Variants in SUCLG2 observed in about 807,000 individuals in gnomAD.
SUCLG2 encodes succinate-CoA ligase GDP-forming subunit beta.
SUCLG2 carries 42 observed loss-of-function variants against 47.9 expected under a neutral mutation model. The observed-to-expected ratio is 0.88, with a 90% CI of 0.69 to 1.14. The LOEUF (loss-of-function observed/expected upper bound fraction) is 1.14, where lower values mean the gene tolerates loss of function less well. Among genes scored for constraint, SUCLG2 ranks in the 50% most tolerant of loss-of-function variants. The pLI is 0.00. For missense variants in SUCLG2, 571 were observed against 525.9 expected, an observed-to-expected ratio of 1.09 and a Z score of -0.84; for synonymous variants, 195 against 197.3, an observed-to-expected ratio of 0.99 and a Z score of 0.10.
At chr3:67,529,985 A>G (rs915405136) in intron 2 of SUCLG2, among the ~76,000 whole-genome samples, 1 of 152,214 alleles carries the variant, frequency 6.6e-6, no homozygotes, top group African/African-American at 2.4e-5. Flanking sequence ...AAACAAAACA[A>G]AACAACAACA....
At chr3:67,404,215 T>C (rs1384111226) in intron 9 of SUCLG2, among the ~76,000 whole-genome samples, 1 of 151,970 alleles carries the variant, frequency 6.6e-6, no homozygotes, top group Non-Finnish European at 1.5e-5. Context: ...TAGACGCAAG[T>C]CTTGAAAGCA....
intron 6 of SUCLG2, among the ~76,000 whole-genome samples, chr3:67,512,460 T>C (rs929007367): frequency 6.6e-6 from 1 of 150,970 alleles, no homozygotes; most frequent in African/African-American, 2.5e-5. Context: ...GCATCCACTG[T>C]AGTGATACAA....
At chr3:67,633,566 T>C (rs909310300) in intron 1 of SUCLG2, among the ~76,000 whole-genome samples, 2 of 152,216 alleles carry the variant, frequency 1.3e-5, no homozygotes, top group African/African-American at 4.8e-5. Context: ...CAGGTTTGGA[T>C]GAAATTAAAT....
At position 67,469,159 on chromosome 3, in the gene SUCLG2, G is replaced by A. The variant is rs192691439; in HGVS notation, c.1062+26639C>T. The stretch of plus-strand genomic sequence containing the variant: ...AAGCAGATGTATAAAATGGGCATGA[G>A]GTAGGCTGGCGAGTTGGGCATGGGC... On this transcript the variant is annotated intron_variant, in intron 9 of 10. Coordinates refer to ENST00000307227, the MANE Select transcript of SUCLG2 (RefSeq NM_003848.4). Among the ~76,000 whole-genome samples, 606 of 152,316 alleles carry A rather than the reference G, an allele frequency of 4.0e-3. 3 individuals are homozygous for A. Among genetic ancestry groups the A allele is most frequent in the South Asian group, 8.3e-3 (40 of 4,816 alleles).
In SUCLG2 at chr3:67,399,604, A is replaced by G. The variant is rs532892433; in HGVS notation, c.1183+1127T>C. The stretch of plus-strand genomic sequence containing the variant: ...AAGCTTTTCTAATATGATGGTGGTA[A>G]TATTAACAAATGTGATTTTTTTTAT... On this transcript the variant is annotated intron_variant, in intron 10 of 10. Coordinates refer to ENST00000307227, the MANE Select transcript of SUCLG2 (RefSeq NM_003848.4). Among the ~76,000 whole-genome samples, 3 of 151,868 alleles carry G rather than the reference A, an allele frequency of 2.0e-5. No homozygotes were observed. In the East Asian group the frequency reaches 5.8e-4, roughly 29 times the overall value.
chr3:67,654,565 G>A lies in SUCLG2; in HGVS notation c.22C>T (p.Gln8Ter). ...AGGGCTCGCAGAAGCTTCCCGGCCT[G>A]CGCTGCTACGGGGGACGCCATCTTA... MASPVAA[Q>*]AGKLLRALAL... Residue 8 changes from glutamine to a stop codon, truncating the protein, a stop_gained, in exon 1 of 11, where the codon CAG becomes TAG. Transcript: ENST00000307227. LOFTEE classifies it high-confidence loss of function. The A allele has an allele frequency of 7.9e-7, 1 of 1,273,800 alleles. No individual in the cohort carries two copies. The allele number at this position is 1,273,800 out of a possible 1,614,324, so 78.9% of individuals were successfully genotyped here.
Position 67,627,775 on chromosome 3 carries a change from C to T in SUCLG2, c.85-18179G>A, listed in dbSNP as rs138152616. Among the ~76,000 whole-genome samples, 65 of 152,312 alleles carry T rather than the reference C, an allele frequency of 4.3e-4. No individual in the cohort carries two copies. In the East Asian group the frequency reaches 0.012, roughly 28 times the overall value. Reference sequence around the variant, plus strand: ...AGCTGGTTTCAAGACTAGCTGGTTCCAGTTTACAGGTGCTACCAGCACTCC... The same window carrying T: ...AGCTGGTTTCAAGACTAGCTGGTTCTAGTTTACAGGTGCTACCAGCACTCC... On this transcript the variant is annotated intron_variant, in intron 1 of 10. Coordinates refer to ENST00000307227, the MANE Select transcript of SUCLG2 (RefSeq NM_003848.4).
Position 67,387,148 on chromosome 3 carries a change from C to A in SUCLG2, c.1184-11289G>T, listed in dbSNP as rs148238804. ...GCCAGTCAGCAAAGCCTAATATGAA[C>A]ATTAAAACATACTGATGAATTAAAT... is the stretch of plus-strand genomic sequence containing the variant. On this transcript the variant is annotated intron_variant, in intron 10 of 10. Transcript: ENST00000307227. Among the ~76,000 whole-genome samples the A allele has an allele frequency of 8.6e-3, 1,302 of 152,164 alleles. 12 individuals are homozygous for A. Among genetic ancestry groups the A allele is most frequent in the Non-Finnish European group, 0.013 (877 of 67,992 alleles).
chr3:67,466,620 G>A (rs1704479019), intron 9 of SUCLG2, among the ~76,000 whole-genome samples: 1 of 152,204 alleles, frequency 6.6e-6, no homozygotes, highest in African/African-American at 2.4e-5. Flanking sequence ...ATGGCATCCG[G>A]CAAGATGAGA....
At chr3:67,360,777 G>C in intron 10 of SUCLG2, 1 of 1,505,916 alleles carries the variant, frequency 6.6e-7, no homozygotes, top group Non-Finnish European at 8.8e-7. Flanking sequence ...ACCTGAAATT[G>C]GAGTGAGATT....
intron 1 of SUCLG2, among the ~76,000 whole-genome samples, chr3:67,642,602 A>T (rs1181588034): frequency 6.6e-6 from 1 of 152,140 alleles, no homozygotes; most frequent in Non-Finnish European, 1.5e-5. Flanking sequence ...ATGACACAAC[A>T]AGACCCCATC....
intron 10 of SUCLG2, among the ~76,000 whole-genome samples, chr3:67,364,621 C>T (rs1350812390): frequency 6.6e-6 from 1 of 152,190 alleles, no homozygotes; most frequent in Non-Finnish European, 1.5e-5. Context: ...ATGAAGGCCA[C>T]CTGGTTGTCC....
chr3:67,536,387 T>C (rs1313125864), intron 2 of SUCLG2, among the ~76,000 whole-genome samples: 1 of 152,250 alleles, frequency 6.6e-6, no homozygotes, highest in Non-Finnish European at 1.5e-5. Flanking sequence ...TTTAAATCTG[T>C]TCCTCTCTCA....
At chr3:67,591,110 G>T (rs2107277156) in intron 2 of SUCLG2, among the ~76,000 whole-genome samples, 1 of 152,312 alleles carries the variant, frequency 6.6e-6, no homozygotes, top group South Asian at 2.1e-4. Context: ...TTGCTGGAAT[G>T]AACTGAACAA....
At chr3:67,633,087 A>G (rs570812457) in intron 1 of SUCLG2, among the ~76,000 whole-genome samples, 2 of 152,230 alleles carry the variant, frequency 1.3e-5, no homozygotes, top group African/African-American at 4.8e-5. Context: ...AGAATCCACA[A>G]GTGTAGGAGG....
At chr3:67,585,231 C>T (rs953552884) in intron 2 of SUCLG2, among the ~76,000 whole-genome samples, 4 of 152,190 alleles carry the variant, frequency 2.6e-5, no homozygotes, top group Non-Finnish European at 5.9e-5. Context: ...TCTCTAATCA[C>T]CTGATACCTC....
At chr3:67,401,422 A>C (rs1702681006) in intron 9 of SUCLG2, among the ~76,000 whole-genome samples, 1 of 152,130 alleles carries the variant, frequency 6.6e-6, no homozygotes, top group African/African-American at 2.4e-5. Context: ...TTAAAAAAAG[A>C]CTCTCGAAAT....
At chr3:67,539,991 C>T (rs1404523693) in intron 2 of SUCLG2, among the ~76,000 whole-genome samples, 1 of 151,124 alleles carries the variant, frequency 6.6e-6, no homozygotes, top group African/African-American at 2.4e-5. Context: ...TTTTGTTAGC[C>T]TTTTCAAAAA....
chr3:67,496,060 T>C (rs1705332479), intron 8 of SUCLG2, 120 bp from the exon 9 acceptor site: 2 of 1,223,394 alleles, frequency 1.6e-6, no homozygotes, highest in Non-Finnish European at 1.1e-6. Flanking sequence ...CCAATTTATA[T>C]CCTGTTTGGA....
Sources: gnomAD v4.1 joint callset for allele counts (sites outside exome capture counted in the v4.1 genomes callset) on GRCh38, gnomAD v4.1.1 for gene constraint, MANE v1.5 for transcripts, NCBI Gene and HGNC (gene_info 2026-07-23, HGNC 2026-07-21) for gene names.